The following ZFR variants were observed in gnomAD, a reference collection of about 807,000 sequenced individuals.
The protein encoded by ZFR is zinc finger RNA-binding protein.
A neutral mutation model predicts 130.7 loss-of-function variants in ZFR; 19 were observed. The observed-to-expected ratio is 0.15, with a 90% confidence interval of 0.10 to 0.21. The LOEUF (loss-of-function observed/expected upper bound fraction) is 0.21, where lower values mean the gene tolerates loss of function less well. Among genes scored for constraint, ZFR ranks in the 10% least tolerant of loss-of-function variants. The pLI is 1.00. For synonymous variants in ZFR, 466 were observed against 456.9 expected, an observed-to-expected ratio of 1.02 and a Z score of -0.25; for missense variants, 872 against 1,321.5, an observed-to-expected ratio of 0.66 and a Z score of 5.27.
chr5:32,390,247 C>A, intron 12 of ZFR, 28 bp downstream of exon 12: 1 of 1,598,866 alleles, frequency 6.3e-7, no homozygotes, highest in Admixed American at 1.7e-5. Context: ...AAACTTTCAC[C>A]CCTTGTATCA....
intron 15 of ZFR, among the ~76,000 whole-genome samples, chr5:32,382,516 C>T (rs1054544382): frequency 1.3e-5 from 2 of 152,072 alleles, no homozygotes; most frequent in Non-Finnish European, 2.9e-5. Context: ...TTATTTCCTC[C>T]GATATGCAAG....
At chr5:32,428,379 A>G (rs1018548154) in intron 2 of ZFR, among the ~76,000 whole-genome samples, 41 of 152,114 alleles carry the variant, frequency 2.7e-4, no homozygotes, top group African/African-American at 9.7e-4. Flanking sequence ...ATGCCACTGC[A>G]CTCCAGCCTG....
intron 2 of ZFR, 95 bp downstream of exon 2, chr5:32,444,134 G>C: frequency 7.1e-7 from 1 of 1,406,562 alleles, no homozygotes; most frequent in South Asian, 1.3e-5. Flanking sequence ...CGGGGCTCTG[G>C]GATGGCTGGG....
At chr5:32,404,449 G>C (rs913782500) in intron 6 of ZFR, among the ~76,000 whole-genome samples, 2 of 152,124 alleles carry the variant, frequency 1.3e-5, no homozygotes, top group Non-Finnish European at 2.9e-5. Flanking sequence ...TTAGTTACAG[G>C]GTTAAGATGA....
chr5:32,427,307 C>T (rs1754094607), intron 2 of ZFR, among the ~76,000 whole-genome samples: 3 of 147,724 alleles, frequency 2.0e-5, no homozygotes, highest in South Asian at 2.2e-4. Flanking sequence ...ATCACCTGAG[C>T]CCAGGAGGTC....
chr5:32,405,507 C>G (rs1753561590), intron 6 of ZFR, among the ~76,000 whole-genome samples: 1 of 152,176 alleles, frequency 6.6e-6, no homozygotes, highest in Non-Finnish European at 1.5e-5. Context: ...GCCTTATATG[C>G]ACTCATTCCA....
intron 3 of ZFR, 69 bp downstream of exon 3, chr5:32,419,752 G>A: frequency 6.6e-7 from 1 of 1,507,494 alleles, no homozygotes; most frequent in Non-Finnish European, 8.8e-7. Context: ...AATGGCTAGG[G>A]CATTACATTA....
At chr5:32,379,383 G>T (rs563862155) in intron 16 of ZFR, 173 bp from the exon 17 acceptor site, 3 of 654,670 alleles carry the variant, frequency 4.6e-6, no homozygotes, top group Admixed American at 2.3e-5. Context: ...TTATGCCAGG[G>T]TTAGTATTTA....
intron 17 of ZFR, among the ~76,000 whole-genome samples, chr5:32,366,989 G>A (rs748675877): frequency 4.6e-5 from 7 of 151,452 alleles, no homozygotes; most frequent in Non-Finnish European, 8.8e-5. Context: ...TTGAACTCCT[G>A]GGCTCAAGTA....
intron 2 of ZFR, among the ~76,000 whole-genome samples, chr5:32,422,646 A>T (rs1360778365): frequency 6.6e-6 from 1 of 151,864 alleles, no homozygotes; most frequent in East Asian, 1.9e-4. Context: ...AAAATTTTTT[A>T]AAAATTAGCC....
chr5:32,388,170 G>A (rs1753079778), intron 13 of ZFR, among the ~76,000 whole-genome samples: 1 of 152,120 alleles, frequency 6.6e-6, no homozygotes, highest in Admixed American at 6.6e-5. Flanking sequence ...AATAAGAACA[G>A]AAAAACAGCA....
intron 2 of ZFR, among the ~76,000 whole-genome samples, chr5:32,435,921 T>G (rs1754322198): frequency 6.6e-6 from 1 of 152,174 alleles, no homozygotes; most frequent in Non-Finnish European, 1.5e-5. Context: ...TTTCTGTAGC[T>G]CCAAGTGATC....
At chr5:32,397,485 G>GA in intron 9 of ZFR, 147 bp from the exon 10 acceptor site, 7 of 1,012,144 alleles carry the variant, frequency 6.9e-6, no homozygotes, top group Non-Finnish European at 9.7e-6. Context: ...ACAGAGTCTT[G>GA]CTCTGTCGCC....
At position 32,354,594 on chromosome 5, in the gene ZFR, TA is replaced by T. The variant is rs1340536456; in HGVS notation, c.*1165del. On this transcript the variant is annotated 3_prime_UTR_variant, in exon 20 of 20. Transcript: ENST00000265069. ...GCTTTGTGTAGGAGACATAAGCAGG[TA>T]AGATGGCCACACCAAATAATTTTCT... The T allele has an allele frequency of 6.6e-6, 1 of 152,658 alleles. No individual in the cohort carries two copies. Among genetic ancestry groups the T allele is most frequent in the Non-Finnish European group, 1.5e-5 (1 of 68,032 alleles). 9.5% of individuals were successfully genotyped at this position (152,658 alleles called of 1,614,324 possible).
At chr5:32,382,167 G>A (rs185167688) in intron 15 of ZFR, among the ~76,000 whole-genome samples, 5 of 152,188 alleles carry the variant, frequency 3.3e-5, no homozygotes, top group Admixed American at 2.0e-4. Flanking sequence ...GCTGGGTGTC[G>A]TGGCACATGC....
intron 17 of ZFR, among the ~76,000 whole-genome samples, chr5:32,367,455 A>G (rs1325447113): frequency 1.1e-5 from 1 of 94,092 alleles, no homozygotes; most frequent in Middle Eastern, 4.3e-3. Context: ...AAATAAATAA[A>G]TAAATAAAGT....
At chr5:32,430,867 G>A (rs1246837874) in intron 2 of ZFR, among the ~76,000 whole-genome samples, 1 of 152,166 alleles carries the variant, frequency 6.6e-6, no homozygotes, top group African/African-American at 2.4e-5. Flanking sequence ...CTTGAGTCCA[G>A]GAGTTTGAGA....
At chr5:32,375,253 C>T (rs187140252) in intron 17 of ZFR, among the ~76,000 whole-genome samples, 68 of 152,122 alleles carry the variant, frequency 4.5e-4, no homozygotes, top group African/African-American at 1.3e-3. Flanking sequence ...GTTCAACTTC[C>T]GTTACTGATT....
chr5:32,380,395 T>C, intron 15 of ZFR: 2 of 392,298 alleles, frequency 5.1e-6, no homozygotes, highest in South Asian at 4.2e-5. Flanking sequence ...TCTGGAAATA[T>C]AAACCCTACC....
Sources: allele counts gnomAD v4.1 joint callset (sites outside exome capture counted in the v4.1 genomes callset), GRCh38; gene constraint gnomAD v4.1.1; transcripts MANE v1.5; gene names NCBI Gene and HGNC (gene_info 2026-07-23, HGNC 2026-07-21).